SNX8: variants seen among roughly 807,000 people sequenced by gnomAD.
SNX8 encodes sorting nexin-8.
Under a neutral mutation model 51.6 loss-of-function variants are expected in SNX8, and 25 were observed. That is an observed-to-expected ratio of 0.48 (90% CI 0.35 to 0.68). SNX8 has a LOEUF of 0.68. Among genes scored for constraint, SNX8 ranks in the 30% least tolerant of loss-of-function variants. The pLI is 0.00. For missense variants in SNX8, 695 were observed against 624.0 expected (o/e 1.11, Z -1.21); for synonymous variants, 324 against 277.0 (o/e 1.17, Z -1.68).
At chr7:2,317,218 G>A (rs182061632), upstream of SNX8, among the ~76,000 whole-genome samples, 4 of 144,368 alleles carry the variant, frequency 2.8e-5, no homozygotes, top group Admixed American at 2.8e-4. Flanking sequence ...GCATCAGGAA[G>A]GGCTTGTTTC....
intron 1 of SNX8, among the ~76,000 whole-genome samples, chr7:2,352,795 C>T (rs1316454936): frequency 7.9e-5 from 12 of 151,864 alleles, no homozygotes; most frequent in Admixed American, 7.9e-4. Context: ...GAGATCGTGC[C>T]ACTGCACTCC....
At chr7:2,269,323 G>A (rs6943304) in intron 5 of SNX8, among the ~76,000 whole-genome samples, 3,656 of 150,828 alleles carry the variant, frequency 0.024, 159 homozygotes, top group African/African-American at 0.084. Flanking sequence ...CAGCATGCTC[G>A]TTAAGAGTCA....
chr7:2,347,494 A>AGAAAAAG (rs200297169), intron 1 of SNX8, among the ~76,000 whole-genome samples: 1 of 116,402 alleles, frequency 8.6e-6, no homozygotes, highest in South Asian at 3.1e-4. Context: ...AAAAAAAAAA[A>AGAAAAAG]AAAAAGAAAA....
chr7:2,312,124 G>A (rs1290556423), intron 1 of SNX8, among the ~76,000 whole-genome samples: 1 of 152,048 alleles, frequency 6.6e-6, no homozygotes, highest in Admixed American at 6.6e-5. Flanking sequence ...GATCCCATCA[G>A]CACTCCTGAT....
At chr7:2,274,968 C>T (rs1795741230) in intron 3 of SNX8, 144 bp downstream of exon 3, 2 of 635,906 alleles carry the variant, frequency 3.1e-6, no homozygotes, top group South Asian at 3.7e-5. Flanking sequence ...ACAGCTCTGT[C>T]CCAGATGCCA....
intron 1 of SNX8, among the ~76,000 whole-genome samples, chr7:2,340,788 C>T (rs1441783775): frequency 8.2e-6 from 1 of 122,418 alleles, no homozygotes; most frequent in African/African-American, 3.0e-5. Flanking sequence ...ACCCGGAGGG[C>T]GGAGGTTGCA....
chr7:2,279,941 C>A (rs898505449), intron 1 of SNX8, among the ~76,000 whole-genome samples: 1 of 152,120 alleles, frequency 6.6e-6, no homozygotes, highest in African/African-American at 2.4e-5. Flanking sequence ...GCCAAGAGAA[C>A]AGGCTCAAAC....
intron 1 of SNX8, among the ~76,000 whole-genome samples, chr7:2,313,931 G>C (rs1044283511): frequency 2.6e-5 from 4 of 152,266 alleles, no homozygotes; most frequent in African/African-American, 9.6e-5. Flanking sequence ...CAAGTCCGGG[G>C]AAGTGGCCCC....
At chr7:2,255,781 G>A (rs143181099) in intron 10 of SNX8, among the ~76,000 whole-genome samples, 139 of 152,346 alleles carry the variant, frequency 9.1e-4, no homozygotes, top group Non-Finnish European at 1.6e-3. Flanking sequence ...AATGCAAACG[G>A]CGGCCCCACT....
chr7:2,325,443 A>G (rs1778605458), intron 1 of SNX8, among the ~76,000 whole-genome samples: 1 of 152,172 alleles, frequency 6.6e-6, no homozygotes, highest in South Asian at 2.1e-4. Flanking sequence ...GAAAACCTAA[A>G]TCATCTGGGA....
intron 1 of SNX8, among the ~76,000 whole-genome samples, chr7:2,293,914 C>G (rs929404154): frequency 1.3e-5 from 2 of 150,754 alleles, no homozygotes; most frequent in African/African-American, 4.9e-5. Flanking sequence ...TGCAGTGAGC[C>G]GAGATCACAC....
chr7:2,276,478 A>G (rs1795782861), intron 2 of SNX8, among the ~76,000 whole-genome samples: 1 of 152,200 alleles, frequency 6.6e-6, no homozygotes, highest in African/African-American at 2.4e-5. Flanking sequence ...GAAGCACAGC[A>G]GAGCAGACGG....
intron 7 of SNX8, among the ~76,000 whole-genome samples, chr7:2,258,526 G>A (rs1041720339): frequency 1.8e-4 from 27 of 152,130 alleles, no homozygotes; most frequent in East Asian, 1.5e-3. Context: ...CCCATATAAC[G>A]CTGTGAGCCG....
chr7:2,353,813 T>C (rs957560726), intron 1 of SNX8, among the ~76,000 whole-genome samples: 1 of 152,062 alleles, frequency 6.6e-6, no homozygotes, highest in Non-Finnish European at 1.5e-5. Flanking sequence ...TGGTGCTATG[T>C]TGGCAAGGCT....
intron 1 of SNX8, among the ~76,000 whole-genome samples, chr7:2,351,688 G>A (rs948015459): frequency 1.2e-4 from 18 of 151,588 alleles, no homozygotes; most frequent in African/African-American, 3.1e-4. Context: ...AAAATTAGCC[G>A]GGTGTGGTGG....
intron 1 of SNX8, among the ~76,000 whole-genome samples, chr7:2,344,393 C>T (rs1014895277): frequency 2.7e-5 from 4 of 149,610 alleles, no homozygotes; most frequent in East Asian, 4.0e-4. Flanking sequence ...GGGCGGATCA[C>T]GAGGTCAGGA....
At chr7:2,315,319 C>A (rs1418395778), upstream of SNX8, among the ~76,000 whole-genome samples, 1 of 147,290 alleles carries the variant, frequency 6.8e-6, no homozygotes, top group Non-Finnish European at 1.5e-5. Context: ...CATTCATTCA[C>A]CCACTCACCC....
At chr7:2,336,238 C>T (rs2115240930) in intron 1 of SNX8, among the ~76,000 whole-genome samples, 1 of 151,272 alleles carries the variant, frequency 6.6e-6, no homozygotes, top group East Asian at 2.0e-4. Context: ...CCCATATCTA[C>T]TAAAAATACA....
rs1403923361 is a variant in SNX8 at position 2,254,349 on chromosome 7, T to G, written c.*707A>C. On this transcript the variant is annotated 3_prime_UTR_variant, in exon 11 of 11. Coordinates refer to ENST00000222990, the MANE Select transcript of SNX8 (RefSeq NM_013321.4). ...GGAGTCCAGGGGACGAGAACACAGC[T>G]GCTGTAGCGCCCACTCTCAGAGCCC... 1 of 154,302 alleles carries G rather than the reference T, an allele frequency of 6.5e-6. No homozygotes were observed. The highest frequency in any genetic ancestry group is 2.4e-5 in the African/African-American group (1 of 41,442). 9.6% of individuals were successfully genotyped at this position (154,302 alleles called of 1,614,324 possible).
Sources: gnomAD v4.1 joint callset for allele counts (sites outside exome capture counted in the v4.1 genomes callset) on GRCh38, gnomAD v4.1.1 for gene constraint, MANE v1.5 for transcripts, NCBI Gene and HGNC (gene_info 2026-07-23, HGNC 2026-07-21) for gene names.